Variants in FHL1 observed in about 807,000 individuals in gnomAD.
The protein encoded by FHL1 is four and a half LIM domains protein 1.
In FHL1, 1 loss-of-function variant was observed where a neutral mutation model predicts 20.3. The observed-to-expected ratio is 0.05, with a 90% CI of 0.02 to 0.23. FHL1 has a LOEUF of 0.23. FHL1 is among the 10% of genes least tolerant of loss of function. The pLI is 1.00. For synonymous variants in FHL1, 82 were observed against 88.9 expected (o/e 0.92, Z 0.44); for missense variants, 177 against 234.0 (o/e 0.76, Z 1.59).
chrX:136,189,154 C>T (rs2073377093), intron 2 of FHL1, among the ~76,000 whole-genome samples: 2 of 111,987 alleles, frequency 1.8e-5, no homozygotes, highest in Non-Finnish European at 1.9e-5. Flanking sequence ...TCTAATTAGC[C>T]ACTGGGCCCT....
At chrX:136,156,986 T>TACACACAC (rs74780878) in intron 1 of FHL1, among the ~76,000 whole-genome samples, 1 of 102,086 alleles carries the variant, frequency 9.8e-6, no homozygotes, top group African/African-American at 3.6e-5. Context: ...GACTAAGGAA[T>TACACACAC]ACACACACAC....
intron 1 of FHL1, among the ~76,000 whole-genome samples, chrX:136,156,574 G>A (rs1454159779): frequency 9.0e-6 from 1 of 111,607 alleles, no homozygotes; most frequent in East Asian, 2.8e-4. Context: ...GAGCTGTTCT[G>A]TAGACTTTCT....
intron 5 of FHL1, 140 bp from the exon 6 acceptor site, chrX:136,209,731 G>C: frequency 1.4e-6 from 1 of 713,833 alleles, no homozygotes; most frequent in Non-Finnish European, 2.1e-6. Flanking sequence ...CTGGGAGCCA[G>C]GCAGACCTGG....
Position 136,179,525 on chromosome X carries a change from T to C in FHL1, c.-27+9545T>C, listed in dbSNP as rs2073100707. ...AGAGTTACTGTCTTAAATTGTACTC[T>C]GCTTTCTCCAGGAAACTGGAAGCTT... On this transcript the variant is annotated intron_variant, in intron 2 of 6. Coordinates refer to the FHL1 transcript ENST00000394153. Among the ~76,000 whole-genome samples, 4 of 112,280 alleles carry C rather than the reference T, an allele frequency of 3.6e-5. No homozygotes were observed. In the Admixed American group the frequency reaches 3.8e-4, roughly 11 times the overall value.
chrX:136,180,790 G>A (rs989576877), intron 2 of FHL1, among the ~76,000 whole-genome samples: 11 of 53,760 alleles, frequency 2.0e-4, no homozygotes, highest in African/African-American at 5.2e-4. Flanking sequence ...CGCCCAGGCT[G>A]GAGTGCAAAG....
chrX:136,170,082 G>A (rs2072822324), intron 2 of FHL1: 1 of 290,911 alleles, frequency 3.4e-6, no homozygotes, highest in Admixed American at 4.0e-5. Flanking sequence ...TGTACCAGGA[G>A]GTTTCAGAAG....
At chrX:136,198,934 A>G (rs2073631058) in intron 1 of FHL1, among the ~76,000 whole-genome samples, 1 of 111,410 alleles carries the variant, frequency 9.0e-6, no homozygotes, top group African/African-American at 3.3e-5. Flanking sequence ...GCAGGGATGG[A>G]AAATGAGAGG....
intron 2 of FHL1, among the ~76,000 whole-genome samples, chrX:136,182,456 G>A (rs1450399744): frequency 8.9e-6 from 1 of 112,403 alleles, no homozygotes; most frequent in Non-Finnish European, 1.9e-5. Context: ...ATGGTATGGA[G>A]ATGAAAGGTT....
chrX:136,209,986 G>A lies in FHL1; in HGVS notation c.852G>A (p.Gln284=), dbSNP rs774024150. ...CCAACAAGCGCTTTGTTTTCCACCA[G>A]GAGCAAGTGTATTGTCCCGACTGTG... ...NLANKRFVFH[Q]EQVYCPDCAK... is the part of the protein sequence containing the mutation. Residue 284 remains glutamine, a synonymous_variant, in exon 6 of 6, where the codon CAG becomes CAA. Transcript: ENST00000370683. 10 of 1,211,492 alleles carry A rather than the reference G, an allele frequency of 8.3e-6. No individual in the cohort carries two copies. The highest frequency in any genetic ancestry group is 2.3e-4 in the Middle Eastern group (1 of 4,353).
chrX:136,158,420 C>T (rs1478589903), intron 1 of FHL1, among the ~76,000 whole-genome samples: 1 of 111,838 alleles, frequency 8.9e-6, no homozygotes, highest in African/African-American at 3.2e-5. Flanking sequence ...CTTCGGCATG[C>T]GTCGTCTCCT....
chrX:136,196,029 G>A (rs1010695723), upstream of FHL1, among the ~76,000 whole-genome samples: 1 of 112,055 alleles, frequency 8.9e-6, no homozygotes, highest in Non-Finnish European at 1.9e-5. Context: ...AGGCTCTGGG[G>A]CCACTGCAGT....
At position 136,156,151 on chromosome X, in the gene FHL1, A is replaced by G. The variant is rs2072410572; in HGVS notation, c.-101+8523A>G. ...TACCTGTGGACTGTTTTTGAAATGCATTGAAACCTAGAAAAAGAAAATAAC... is the reference window on the plus strand; with the variant it reads ...TACCTGTGGACTGTTTTTGAAATGCGTTGAAACCTAGAAAAAGAAAATAAC... On this transcript the variant is annotated intron_variant, in intron 1 of 7. Transcript: ENST00000394155. Among the ~76,000 whole-genome samples the G allele has an allele frequency of 3.6e-5, 4 of 112,121 alleles. No individual in the cohort carries two copies. The South Asian group carries it at 1.5e-3, about 42-fold the overall frequency.
intron 2 of FHL1, among the ~76,000 whole-genome samples, chrX:136,185,865 C>G (rs954147096): frequency 2.7e-5 from 3 of 111,994 alleles, no homozygotes; most frequent in Non-Finnish European, 5.6e-5. Flanking sequence ...ACCTATGACT[C>G]AGAGCTGTGC....
chrX:136,191,719 A>G (rs2148342564), intron 2 of FHL1, among the ~76,000 whole-genome samples: 1 of 112,654 alleles, frequency 8.9e-6, no homozygotes, highest in African/African-American at 3.2e-5. Flanking sequence ...GAGCTCATGA[A>G]TTATTATAAC....
intron 1 of FHL1, among the ~76,000 whole-genome samples, chrX:136,164,339 T>C (rs2072654315): frequency 9.1e-6 from 1 of 109,352 alleles, no homozygotes; most frequent in Non-Finnish European, 1.9e-5. Context: ...CCCAAGTAGC[T>C]GGAATTACAG....
At chrX:136,195,746 A>G (rs1349488811), upstream of FHL1, among the ~76,000 whole-genome samples, 1 of 111,917 alleles carries the variant, frequency 8.9e-6, no homozygotes, top group African/African-American at 3.2e-5. Flanking sequence ...TGTGTGCTAT[A>G]GGAACATGAA....
chrX:136,166,374 CCTTT>C (rs1483094030), upstream of FHL1, among the ~76,000 whole-genome samples: 1 of 111,901 alleles, frequency 8.9e-6, no homozygotes, highest in Non-Finnish European at 1.9e-5. Context: ...AGCCTTTGGG[CCTTT>C]CTTTCTTCTG....
intron 1 of FHL1, among the ~76,000 whole-genome samples, chrX:136,152,842 T>C (rs1290296948): frequency 1.8e-5 from 2 of 110,975 alleles, no homozygotes; most frequent in African/African-American, 3.3e-5. Flanking sequence ...AATCGAATTC[T>C]ACCTGGAATT....
chrX:136,176,081 G>A (rs1049554813), intron 2 of FHL1, among the ~76,000 whole-genome samples: 20 of 112,030 alleles, frequency 1.8e-4, no homozygotes, highest in African/African-American at 5.2e-4. Context: ...TCTTTCTTCC[G>A]TATTTGGTGG....
Sources: allele counts gnomAD v4.1 joint callset (sites outside exome capture counted in the v4.1 genomes callset), GRCh38; gene constraint gnomAD v4.1.1; transcripts MANE v1.5; gene names NCBI Gene and HGNC (gene_info 2026-07-23, HGNC 2026-07-21).